The following DNER variants were observed in gnomAD, a reference collection of about 807,000 sequenced individuals.
The protein encoded by DNER is delta and Notch-like epidermal growth factor-related receptor.
A neutral mutation model predicts 78.2 loss-of-function variants in DNER; 33 were observed. That is an observed-to-expected ratio of 0.42 (90% CI 0.32 to 0.56). The LOEUF (loss-of-function observed/expected upper bound fraction) is 0.56, where lower values mean the gene tolerates loss of function less well. Ranked by LOEUF, DNER falls within the 20% of genes least tolerant of loss-of-function variation. DNER has a pLI of 0.11. For missense variants in DNER, 918 were observed against 975.3 expected, an observed-to-expected ratio of 0.94 and a Z score of 0.78; for synonymous variants, 417 against 384.8, an observed-to-expected ratio of 1.08 and a Z score of -0.98.
At chr2:229,394,081 C>G (rs114348072) in intron 10 of DNER, among the ~76,000 whole-genome samples, 5,684 of 152,194 alleles carry the variant, frequency 0.037, 307 homozygotes, top group African/African-American at 0.13. Flanking sequence ...AAACCACACA[C>G]ACACACATCA....
intron 1 of DNER, among the ~76,000 whole-genome samples, chr2:229,671,698 C>T (rs1206092275): frequency 6.6e-6 from 1 of 152,174 alleles, no homozygotes; most frequent in African/African-American, 2.4e-5. Context: ...AGAGACTCTG[C>T]TTTTTAAGAT....
At chr2:229,425,844 A>C (rs1026764912) in intron 8 of DNER, among the ~76,000 whole-genome samples, 1 of 152,208 alleles carries the variant, frequency 6.6e-6, no homozygotes, top group African/African-American at 2.4e-5. Flanking sequence ...GGACCTTCGA[A>C]GACCATGGTG....
intron 1 of DNER, among the ~76,000 whole-genome samples, chr2:229,604,208 A>G (rs1332923187): frequency 2.0e-5 from 3 of 152,226 alleles, no homozygotes; most frequent in East Asian, 3.8e-4. Flanking sequence ...GACTCCAAAC[A>G]TTTTAAATGT....
At chr2:229,463,232 G>A (rs1163389094) in intron 7 of DNER, among the ~76,000 whole-genome samples, 2 of 151,616 alleles carry the variant, frequency 1.3e-5, no homozygotes. Context: ...AATGTTTGTG[G>A]AATAAATGAG....
At chr2:229,447,265 T>C (rs1461647576) in intron 8 of DNER, 51 bp downstream of exon 8, 2 of 1,489,066 alleles carry the variant, frequency 1.3e-6, no homozygotes, top group African/African-American at 1.4e-5. Context: ...TCTTTTGAGA[T>C]TGGTTTGAGA....
At chr2:229,641,537 T>A (rs2154216031) in intron 1 of DNER, among the ~76,000 whole-genome samples, 1 of 102,524 alleles carries the variant, frequency 9.8e-6, no homozygotes, top group Admixed American at 1.5e-4. Context: ...ACACACTTGC[T>A]CACCTAGTTA....
chr2:229,629,178 A>G (rs1698394680), intron 1 of DNER, among the ~76,000 whole-genome samples: 1 of 152,194 alleles, frequency 6.6e-6, no homozygotes, highest in Non-Finnish European at 1.5e-5. Flanking sequence ...CAATCATCAT[A>G]CAAACCCTGC....
intron 1 of DNER, among the ~76,000 whole-genome samples, chr2:229,666,560 T>C (rs527945514): frequency 6.6e-6 from 1 of 152,330 alleles, no homozygotes; most frequent in East Asian, 1.9e-4. Context: ...CTGACTTTTA[T>C]CACATGAATT....
Position 229,512,793 on chromosome 2 carries a change from A to C in DNER, c.1137T>G (p.Val379=). Residue 379 remains valine (V), a synonymous_variant, in exon 6 of 13, where the codon GTT becomes GTG. Transcript: ENST00000341772. ...EKQDGSNFTC[V]CLPGYTGELC... ...GAGTATGTGTCGTACCAGGAAGGCAAACACAGGTGAAATTGCTCCCATCTT... is the reference window on the plus strand; with the variant it reads ...GAGTATGTGTCGTACCAGGAAGGCACACACAGGTGAAATTGCTCCCATCTT... 1 of 1,614,170 alleles carries C rather than the reference A, an allele frequency of 6.2e-7. No homozygotes were observed. Among genetic ancestry groups the C allele is most frequent in the Non-Finnish European group, 8.5e-7 (1 of 1,179,996 alleles).
At chr2:229,387,552 AAAGAAAGAAAGAAAG>A (rs1559337946) in intron 11 of DNER, among the ~76,000 whole-genome samples, 1 of 150,388 alleles carries the variant, frequency 6.6e-6, no homozygotes, top group East Asian at 2.0e-4. Flanking sequence ...AGAAAGAAAG[AAAGAAAGAAAGAAAG>A]AAAAGAAAGA....
intron 1 of DNER, among the ~76,000 whole-genome samples, chr2:229,683,795 GC>G (rs904847364): frequency 3.3e-5 from 5 of 152,144 alleles, no homozygotes; most frequent in Admixed American, 6.5e-5. Flanking sequence ...TTGACTTTGT[GC>G]AGAGATTTTC....
At chr2:229,517,540 C>T (rs555262821) in intron 5 of DNER, among the ~76,000 whole-genome samples, 167 of 152,308 alleles carry the variant, frequency 1.1e-3, no homozygotes, top group Non-Finnish European at 2.0e-3. Context: ...AGTACAAAGA[C>T]TTCAAGGTGG....
At chr2:229,547,947 G>C (rs1430314840) in intron 4 of DNER, among the ~76,000 whole-genome samples, 1 of 152,128 alleles carries the variant, frequency 6.6e-6, no homozygotes, top group Non-Finnish European at 1.5e-5. Context: ...TTCACTAAGT[G>C]AGCATTTTTT....
intron 4 of DNER, among the ~76,000 whole-genome samples, chr2:229,550,576 A>C (rs1196740866): frequency 6.6e-6 from 1 of 151,936 alleles, no homozygotes; most frequent in Non-Finnish European, 1.5e-5. Context: ...GGAGATCGAG[A>C]CCATCCTGGT....
At chr2:229,527,383 T>G (rs1327952067) in intron 5 of DNER, among the ~76,000 whole-genome samples, 1 of 152,220 alleles carries the variant, frequency 6.6e-6, no homozygotes, top group African/African-American at 2.4e-5. Context: ...TAGAATGATC[T>G]ACTATTCTCA....
At chr2:229,555,589 A>G (rs188156060) in intron 4 of DNER, among the ~76,000 whole-genome samples, 1 of 152,210 alleles carries the variant, frequency 6.6e-6, no homozygotes, top group Non-Finnish European at 1.5e-5. Context: ...GTGGCTTCTT[A>G]TACCACCTTT....
At chr2:229,372,835 G>T (rs565970807) in intron 11 of DNER, among the ~76,000 whole-genome samples, 2 of 152,074 alleles carry the variant, frequency 1.3e-5, no homozygotes, top group Admixed American at 1.3e-4. Context: ...GCTGTGTTAG[G>T]GGGGAATCAA....
intron 1 of DNER, among the ~76,000 whole-genome samples, chr2:229,661,199 T>C (rs1699004653): frequency 6.6e-6 from 1 of 152,174 alleles, no homozygotes; most frequent in African/African-American, 2.4e-5. Flanking sequence ...GACATCATGG[T>C]GATTATGAGT....
chr2:229,641,421 G>T (rs970068964), intron 1 of DNER, among the ~76,000 whole-genome samples: 1 of 152,066 alleles, frequency 6.6e-6, no homozygotes, highest in South Asian at 2.1e-4. Context: ...GGCAGGAAAA[G>T]CTCCCAAAGA....
Sources: gnomAD v4.1 joint callset for allele counts (sites outside exome capture counted in the v4.1 genomes callset) on GRCh38, gnomAD v4.1.1 for gene constraint, MANE v1.5 for transcripts, NCBI Gene and HGNC (gene_info 2026-07-23, HGNC 2026-07-21) for gene names.